The following KIF1A variants were observed in gnomAD, a reference collection of about 807,000 sequenced individuals.
The protein encoded by KIF1A is kinesin family member 1A, also known as kinesin-like protein KIF1A.
In KIF1A, 46 loss-of-function variants were observed where a neutral mutation model predicts 227.3. That is an observed-to-expected ratio of 0.20 (90% confidence interval 0.16 to 0.26). KIF1A has a LOEUF of 0.26. KIF1A is among the 10% of genes least tolerant of loss of function. The pLI is 1.00. For synonymous variants in KIF1A, 1,022 were observed against 1,012.8 expected, an observed-to-expected ratio of 1.01 and a Z score of -0.17; for missense variants, 1,683 against 2,485.9, an observed-to-expected ratio of 0.68 and a Z score of 6.87.
At chr2:240,750,619 T>C (rs2049100589) in intron 27 of KIF1A, 72 bp from the exon 28 acceptor site, 8 of 1,116,392 alleles carry the variant, frequency 7.2e-6, no homozygotes, top group East Asian at 2.4e-5. Flanking sequence ...GGTGGCAGCA[T>C]GGCCTGGCTC....
intron 5 of KIF1A, among the ~76,000 whole-genome samples, 175 bp from the exon 6 acceptor site, chr2:240,786,688 GGGGA>G: frequency 7.7e-6 from 1 of 130,034 alleles, no homozygotes. Flanking sequence ...GGACCCCTGA[GGGGA>G]TGGGAGCCAG....
In KIF1A at chr2:240,745,009, C is replaced by A. The variant is rs1408525086; in HGVS notation, c.3465+418G>T. On this transcript the variant is annotated intron_variant, in intron 32 of 48. Coordinates refer to ENST00000498729, the MANE Select transcript of KIF1A (RefSeq NM_001244008.2). ...TCCTAGCAGCCCAGCTGCCATCACTCTCCTGCCTGGAGTTTTCCAGACCTC... is the reference window on the plus strand; with the variant it reads ...TCCTAGCAGCCCAGCTGCCATCACTATCCTGCCTGGAGTTTTCCAGACCTC... 6.6e-5 allele frequency among the ~76,000 whole-genome samples: 10 copies of A among 152,286 alleles called. 1 individual carries two copies. The East Asian group carries it at 1.4e-3, about 21-fold the overall frequency.
In KIF1A at chr2:240,763,006, C is replaced by T; in HGVS notation, c.2022+13G>A. ...TGGGGGCTGGGCAGGGAGGGCGGGGCCACGTCACTCACCAGCCGCTGCTGC... is the reference window on the plus strand; with the variant it reads ...TGGGGGCTGGGCAGGGAGGGCGGGGTCACGTCACTCACCAGCCGCTGCTGC... On this transcript the variant is annotated intron_variant, in intron 22 of 48. Transcript: ENST00000498729. 1 of 1,481,582 alleles carries T rather than the reference C, an allele frequency of 6.7e-7. No homozygotes were observed. Among genetic ancestry groups the T allele is most frequent in the Non-Finnish European group, 9.0e-7 (1 of 1,116,912 alleles). 91.8% of individuals were successfully genotyped at this position (1,481,582 alleles called of 1,614,324 possible).
At chr2:240,729,063 G>GTCTGGTACACGTCAGCACCA (rs2046331926) in intron 38 of KIF1A, among the ~76,000 whole-genome samples, 4 of 152,004 alleles carry the variant, frequency 2.6e-5, no homozygotes, top group Non-Finnish European at 5.9e-5. Context: ...CGTCAGCACC[G>GTCTGGTACACGTCAGCACCA]CTGTCTGGTA....
At chr2:240,747,575 G>A (rs2048756769) in intron 28 of KIF1A, among the ~76,000 whole-genome samples, 2 of 152,174 alleles carry the variant, frequency 1.3e-5, no homozygotes, top group African/African-American at 4.8e-5. Flanking sequence ...GAGTCACAAA[G>A]TCTATATTTT....
intron 2 of KIF1A, among the ~76,000 whole-genome samples, chr2:240,795,247 G>A (rs1319813044): frequency 1.3e-5 from 2 of 152,178 alleles, no homozygotes; most frequent in African/African-American, 4.8e-5. Flanking sequence ...AGAGGCTGCT[G>A]GCACATAGGC....
rs1235192010 is a variant in KIF1A at position 240,726,535 on chromosome 2, T to C, written c.4122+291A>G. Among the ~76,000 whole-genome samples the C allele has an allele frequency of 1.3e-5, 2 of 151,924 alleles. No homozygotes were observed. Among genetic ancestry groups the C allele is most frequent in the African/African-American group, 4.8e-5 (2 of 41,322 alleles). On this transcript the variant is annotated intron_variant, in intron 39 of 48. Coordinates refer to ENST00000498729, the MANE Select transcript of KIF1A (RefSeq NM_001244008.2). The surrounding 1 kb of genome is among the most constrained non-coding windows in gnomAD (Gnocchi z 5.2). ...CTGAGGCAGGAGAATCGCTTGAGCC[T>C]GGGAAGCGGAGGTTGCAGTGAGACT...
intron 16 of KIF1A, 123 bp from the exon 17 acceptor site, chr2:240,769,331 G>A (rs1172354800): frequency 2.9e-5 from 22 of 767,472 alleles, no homozygotes; most frequent in Non-Finnish European, 4.3e-5. Flanking sequence ...GCCCATGCGT[G>A]TCCCATCTGG....
chr2:240,782,450 C>T, intron 10 of KIF1A, 140 bp downstream of exon 10: 1 of 1,041,440 alleles, frequency 9.6e-7, no homozygotes. Flanking sequence ...CGCTTTCTTC[C>T]TTCCCGGGAT....
chr2:240,734,594 G>C, intron 38 of KIF1A: 1 of 529,298 alleles, frequency 1.9e-6, no homozygotes, highest in Non-Finnish European at 3.5e-6. Context: ...GTGAGCACGT[G>C]TGTGAGGAGT....
At chr2:240,798,977 C>T (rs986182930) in intron 1 of KIF1A, among the ~76,000 whole-genome samples, 10 of 152,246 alleles carry the variant, frequency 6.6e-5, no homozygotes, top group Non-Finnish European at 1.3e-4. Flanking sequence ...TCCACACTGA[C>T]ATTCCATGAA....
chr2:240,800,877 G>A (rs2056905615), intron 1 of KIF1A, among the ~76,000 whole-genome samples: 1 of 152,234 alleles, frequency 6.6e-6, no homozygotes. Flanking sequence ...CTAAGAGCAG[G>A]GCAGAGCCAT....
At position 240,739,732 on chromosome 2, in the gene KIF1A, C is replaced by A. The variant is rs375788788; in HGVS notation, c.3901+326G>T. Among the ~76,000 whole-genome samples, 1 of 152,084 alleles carries A rather than the reference C, an allele frequency of 6.6e-6. No homozygotes were observed. The highest frequency in any genetic ancestry group is 1.9e-4 in the East Asian group (1 of 5,184). On this transcript the variant is annotated intron_variant, in intron 37 of 48. Transcript: ENST00000498729. This position sits in a 1 kb window ranked among gnomAD's most constrained non-coding sequence, Gnocchi z 5.6. ...CAGAGAGAGAGAGCGCGCCTCTTGC[C>A]GGCACCTTGATTTTGGACCTCTGGC...
In KIF1A at chr2:240,757,341, G is replaced by C; in HGVS notation, c.2836C>G (p.Pro946Ala). Residue 946 changes from proline (P) to alanine (A), a missense_variant, in exon 27 of 49, where the codon CCC becomes GCC. Pro to Ala is a conservative substitution (Grantham distance 27). Transcript: ENST00000498729. This position sits in a 1 kb window ranked among gnomAD's most constrained non-coding sequence, Gnocchi z 6.2. ...DGRDPFYDRP[P>A]LFSLVGRAFV... ...AACCTTCCTACTAAACTGAACAGGG[G>C]GGGCCGGTCGTAAAACGGGTCCCGG... 1 of 1,550,726 alleles carries C rather than the reference G, an allele frequency of 6.4e-7. No individual in the cohort carries two copies. The highest frequency in any genetic ancestry group is 8.7e-7 in the Non-Finnish European group (1 of 1,147,058).
At position 240,758,301 on chromosome 2, in the gene KIF1A, C is replaced by G. The variant is rs1446359365; in HGVS notation, c.2582+59G>C. The G allele has an allele frequency of 6.4e-7, 1 of 1,565,162 alleles. No individual in the cohort carries two copies. The highest frequency in any genetic ancestry group is 8.7e-7 in the Non-Finnish European group (1 of 1,153,828). On this transcript the variant is annotated intron_variant, in intron 26 of 48. Coordinates refer to ENST00000498729, the MANE Select transcript of KIF1A (RefSeq NM_001244008.2). This position sits in a 1 kb window ranked among gnomAD's most constrained non-coding sequence, Gnocchi z 5.2. ...ATCAGGCCAGGGCCCACTCCTACCC[C>G]CACTGCCATCTCTCTCTCTCAATCT...
In KIF1A at chr2:240,745,766, C is replaced by T. The variant is rs377010898; in HGVS notation, c.3346G>A (p.Glu1116Lys). Residue 1116 changes from glutamate to lysine, a missense_variant, in exon 31 of 49, where the codon GAA becomes AAA. Glu to Lys is a moderately conservative substitution (Grantham distance 56). Transcript: ENST00000498729. ...TVLQASSISA[E>K]YADIFCQFNF... ...AACTGGCAGAAGATGTCGGCATATT[C>T]GGCAGAGATGCTGGACGCCTGCAGG... is the stretch of plus-strand genomic sequence containing the variant. 6.8e-6 allele frequency: 11 copies of T among 1,612,548 alleles called. No homozygotes were observed. Among genetic ancestry groups the T allele is most frequent in the East Asian group, 6.7e-5 (3 of 44,862 alleles).
In KIF1A at chr2:240,818,975, ACGTGGGCGCGCATCGG is replaced by A; in HGVS notation, c.-61+1131_-61+1146del. ...TGGGGGAAAGTCCCTATTCCCGGGGACGTGGGCGCGCATCGGGTCCGCGCCGGGCGACGTCGCGCTC... is the reference window on the plus strand; with the variant it reads ...TGGGGGAAAGTCCCTATTCCCGGGGAGTCCGCGCCGGGCGACGTCGCGCTC... On this transcript the variant is annotated intron_variant, in intron 1 of 48. Coordinates refer to ENST00000498729, the MANE Select transcript of KIF1A (RefSeq NM_001244008.2). The A allele has an allele frequency of 1.3e-5, 2 of 152,364 alleles. 1 individual carries two copies. Among genetic ancestry groups the A allele is most frequent in the Middle Eastern group, 6.8e-3 (2 of 294 alleles). The allele number at this position is 152,364 out of a possible 1,614,324, so 9.4% of individuals were successfully genotyped here.
Position 240,770,889 on chromosome 2 carries a change from G to A in KIF1A, c.1341+82C>T, listed in dbSNP as rs2051869603. ...GCCCTATGAGGATGGGCTGTACCCA[G>A]GAGGGCAGGGTGCCTCTCTAACTCC... On this transcript the variant is annotated intron_variant, in intron 15 of 48. Transcript: ENST00000498729. 3.3e-6 allele frequency: 5 copies of A among 1,522,516 alleles called. No individual in the cohort carries two copies. In the East Asian group the frequency reaches 1.1e-4, roughly 34 times the overall value. 94.3% of individuals were successfully genotyped at this position (1,522,516 alleles called of 1,614,324 possible).
At chr2:240,748,638 G>C in intron 28 of KIF1A, 1 of 278,638 alleles carries the variant, frequency 3.6e-6, no homozygotes, top group South Asian at 3.3e-5. Flanking sequence ...GCTTCCCTGA[G>C]TATTGCAGCC....
Sources: gnomAD v4.1 joint callset for allele counts (sites outside exome capture counted in the v4.1 genomes callset) on GRCh38, gnomAD v4.1.1 for gene constraint, Gnocchi (gnomAD v3.1) non-coding constraint, MANE v1.5 for transcripts, NCBI Gene and HGNC (gene_info 2026-07-23, HGNC 2026-07-21) for gene names.